RPH3AL: variants seen among roughly 807,000 people sequenced by gnomAD.
RPH3AL encodes rabphilin 3A like (without C2 domains).
RPH3AL carries 38 observed loss-of-function variants against 43.1 expected under a neutral mutation model. That is an observed-to-expected ratio of 0.88 (90% CI 0.68 to 1.15). The LOEUF is 1.15. Among genes scored for constraint, RPH3AL ranks in the 50% most tolerant of loss-of-function variants. The pLI, the probability that RPH3AL is intolerant of heterozygous loss-of-function variation, is 0.00. For synonymous variants in RPH3AL, 189 were observed against 176.3 expected, an observed-to-expected ratio of 1.07 and a Z score of -0.57; for missense variants, 462 against 423.2, an observed-to-expected ratio of 1.09 and a Z score of -0.81.
At chr17:253,331 G>C (rs1171616749) in intron 6 of RPH3AL, among the ~76,000 whole-genome samples, 12 of 152,100 alleles carry the variant, frequency 7.9e-5, no homozygotes, top group Non-Finnish European at 1.5e-4. Flanking sequence ...AGCCATCTCT[G>C]TCGTGAGTCT....
intron 7 of RPH3AL, among the ~76,000 whole-genome samples, chr17:232,581 C>G (rs1470921849): frequency 4.6e-5 from 7 of 152,204 alleles, no homozygotes; most frequent in Non-Finnish European, 1.0e-4. Context: ...AGCGTCACCC[C>G]CCTCCCCTCG....
At chr17:252,436 C>T (rs1372483060) in intron 6 of RPH3AL, among the ~76,000 whole-genome samples, 1 of 152,130 alleles carries the variant, frequency 6.6e-6, no homozygotes, top group Non-Finnish European at 1.5e-5. Context: ...GGAAAACACA[C>T]TATTTGTTTT....
intron 6 of RPH3AL, among the ~76,000 whole-genome samples, chr17:259,101 C>T (rs531387351): frequency 5.3e-5 from 8 of 152,242 alleles, no homozygotes; most frequent in Admixed American, 1.3e-4. Context: ...TTCATTGTAA[C>T]GGGGCCTCGC....
At chr17:271,964 TC>T (rs1288836838) in intron 6 of RPH3AL, among the ~76,000 whole-genome samples, 3 of 152,142 alleles carry the variant, frequency 2.0e-5, no homozygotes, top group Non-Finnish European at 4.4e-5. Flanking sequence ...CAGACACTTC[TC>T]AAAAGAAGAC....
intron 8 of RPH3AL, among the ~76,000 whole-genome samples, chr17:218,950 G>A (rs998427846): frequency 9.2e-5 from 14 of 152,090 alleles, no homozygotes; most frequent in African/African-American, 2.4e-4. Context: ...GTTGGGGAAC[G>A]CTCACAGGTG....
At position 289,977 on chromosome 17, in the gene RPH3AL, C is replaced by T. The variant is rs1035030939; in HGVS notation, c.352-8123G>A. On this transcript the variant is annotated intron_variant, in intron 5 of 9. Transcript: ENST00000331302. The surrounding 1 kb of genome is among the most constrained non-coding windows in gnomAD (Gnocchi z 5.2). ...GCTCCTGTGACTTCCCCTGCTGGGC[C>T]GTCATCTTCCCAAGGGCAGAGGCCA... Among the ~76,000 whole-genome samples, 1 of 152,248 alleles carries T rather than the reference C, an allele frequency of 6.6e-6. No individual in the cohort carries two copies. The highest frequency in any genetic ancestry group is 2.4e-5 in the African/African-American group (1 of 41,466).
intron 6 of RPH3AL, among the ~76,000 whole-genome samples, chr17:281,199 T>A (rs189235271): frequency 6.6e-6 from 1 of 151,950 alleles, no homozygotes; most frequent in Admixed American, 6.6e-5. Flanking sequence ...AGAAGGGGCG[T>A]TGGGTGGCAT....
At chr17:313,916 C>G (rs2043727964) in intron 5 of RPH3AL, among the ~76,000 whole-genome samples, 1 of 152,156 alleles carries the variant, frequency 6.6e-6, no homozygotes, top group Non-Finnish European at 1.5e-5. Flanking sequence ...TGGAACAAGC[C>G]CCTCAGAAGC....
Position 253,526 on chromosome 17 carries a change from T to C in RPH3AL, c.439-6241A>G, listed in dbSNP as rs145347806. On this transcript the variant is annotated intron_variant, in intron 6 of 9. Transcript: ENST00000331302. ...TTTAAAAAAATTAAAAATGTTTCCA[T>C]TGTATTAAAGTATTCATAACATCAA... Among the ~76,000 whole-genome samples, 93 of 152,264 alleles carry C rather than the reference T, an allele frequency of 6.1e-4. 1 individual carries two copies. The highest frequency in any genetic ancestry group is 2.1e-3 in the African/African-American group (88 of 41,518).
At chr17:240,058 A>T (rs2041490709) in intron 7 of RPH3AL, among the ~76,000 whole-genome samples, 1 of 152,064 alleles carries the variant, frequency 6.6e-6, no homozygotes. Context: ...ACCAACATGG[A>T]GAAACCCCAT....
In RPH3AL at chr17:219,717, G is replaced by A; in HGVS notation, c.633C>T (p.Asp211=). The change falls in exon 8 of 10, where the codon GAC becomes GAT. Residue 211 remains aspartate, a synonymous_variant. Transcript: ENST00000331302. ...TGGAGGAGCTAAGATCCGAGTCACT[G>A]TCACTGTCACTGGAAACCACTGGAA... The part of the protein sequence containing the change: ...ARGRVVSSDS[D]SDSDLSSSSL... The A allele has an allele frequency of 2.5e-6, 4 of 1,613,388 alleles. No individual in the cohort carries two copies. Among genetic ancestry groups the A allele is most frequent in the Non-Finnish European group, 3.4e-6 (4 of 1,179,696 alleles).
intron 6 of RPH3AL, among the ~76,000 whole-genome samples, chr17:258,728 G>C (rs2151567298): frequency 6.7e-6 from 1 of 150,246 alleles, no homozygotes; most frequent in Admixed American, 6.6e-5. Flanking sequence ...ATTGCCATTG[G>C]TACTCAGCCA....
chr17:321,641 G>A (rs1035093684), intron 3 of RPH3AL: 1 of 513,444 alleles, frequency 1.9e-6, no homozygotes, highest in Non-Finnish European at 3.4e-6. Flanking sequence ...GGTTCCGTGT[G>A]CCGGGGTTGG....
intron 6 of RPH3AL, among the ~76,000 whole-genome samples, chr17:261,532 G>A (rs1440479457): frequency 2.0e-5 from 3 of 152,192 alleles, no homozygotes; most frequent in African/African-American, 7.2e-5. Context: ...TCAGTCTATG[G>A]TATGTTGTTA....
chr17:315,130 T>G (rs201694367), intron 5 of RPH3AL, among the ~76,000 whole-genome samples: 36 of 146,560 alleles, frequency 2.5e-4, no homozygotes, highest in Middle Eastern at 3.4e-3. Flanking sequence ...CTGTAGTCTC[T>G]GTGCTCCACC....
chr17:273,424 G>A (rs77785977), intron 6 of RPH3AL, among the ~76,000 whole-genome samples: 163 of 552 alleles, frequency 0.3, 40 homozygotes, highest in African/African-American at 0.58. Flanking sequence ...GTGAGACCCC[G>A]GCGAGGGCGA....
At chr17:304,675 G>C (rs79489773) in intron 5 of RPH3AL, among the ~76,000 whole-genome samples, 1 of 152,072 alleles carries the variant, frequency 6.6e-6, no homozygotes, top group African/African-American at 2.4e-5. Flanking sequence ...GAGAACCAAT[G>C]AGCCTGGCTG....
intron 2 of RPH3AL, chr17:332,734 T>A: frequency 3.5e-6 from 1 of 282,706 alleles, no homozygotes; most frequent in Non-Finnish European, 7.2e-6. Context: ...CAGCTCCACC[T>A]GACGGCTGAG....
At position 215,611 on chromosome 17, in the gene RPH3AL, C is replaced by A; in HGVS notation, c.876+43G>T. ...AGGAGTGAGTGAGAGAGGACACGGC[C>A]GCGGGGGCAGGAGAGGGGAGAAGGC... On this transcript the variant is annotated intron_variant, in intron 9 of 9. Coordinates refer to ENST00000331302, the MANE Select transcript of RPH3AL (RefSeq NM_006987.4). This position sits in a 1 kb window ranked among gnomAD's most constrained non-coding sequence, Gnocchi z 4.1. 1 of 1,256,108 alleles carries A rather than the reference C, an allele frequency of 8.0e-7. No homozygotes were observed. Among genetic ancestry groups the A allele is most frequent in the Non-Finnish European group, 1.0e-6 (1 of 995,922 alleles). The allele number at this position is 1,256,108 out of a possible 1,614,324, so 77.8% of individuals were successfully genotyped here.
Sources: gnomAD v4.1 joint callset for allele counts (sites outside exome capture counted in the v4.1 genomes callset) on GRCh38, gnomAD v4.1.1 for gene constraint, Gnocchi (gnomAD v3.1) non-coding constraint, MANE v1.5 for transcripts, NCBI Gene and HGNC (gene_info 2026-07-23, HGNC 2026-07-21) for gene names.